The following EPB41L4B variants were observed in gnomAD, a reference collection of about 807,000 sequenced individuals.
EPB41L4B encodes the protein band 4.1-like protein 4B.
In EPB41L4B, 30 loss-of-function variants were observed where a neutral mutation model predicts 112.5. The observed-to-expected ratio is 0.27, with a 90% CI of 0.20 to 0.36. EPB41L4B has a LOEUF of 0.36. Ranked by LOEUF, EPB41L4B falls within the 10% of genes least tolerant of loss-of-function variation. EPB41L4B has a pLI of 1.00. For missense variants in EPB41L4B, 1,024 were observed against 1,133.3 expected (o/e 0.90, Z 1.38); for synonymous variants, 408 against 439.7 (o/e 0.93, Z 0.90).
In EPB41L4B at chr9:109,182,732, A is replaced by G. The variant is rs1832111007; in HGVS notation, c.2484T>C (p.Phe828=). Residue 828 remains phenylalanine, a synonymous_variant, in exon 24 of 26, where the codon TTT becomes TTC. Transcript: ENST00000374566. The stretch of plus-strand genomic sequence containing the variant: ...TCTGTTTTCTGGATCTACTTACAGT[A>G]AACTGTGGCCCTGTGGTGAAAGTAT... The part of the protein sequence containing the change: ...FPDTFTTGPQ[F]TADFRDSKLQ... 1.2e-6 allele frequency: 2 copies of G among 1,609,520 alleles called. No homozygotes were observed. The highest frequency in any genetic ancestry group is 1.7e-6 in the Non-Finnish European group (2 of 1,175,924).
chr9:109,192,679 G>C (rs1832502627), intron 21 of EPB41L4B, among the ~76,000 whole-genome samples: 1 of 152,112 alleles, frequency 6.6e-6, no homozygotes, highest in South Asian at 2.1e-4. Context: ...TAAAGAGAGA[G>C]CAAAGACCTT....
At chr9:109,267,277 T>G (rs1326203123) in intron 4 of EPB41L4B, among the ~76,000 whole-genome samples, 196 bp downstream of exon 4, 1 of 152,232 alleles carries the variant, frequency 6.6e-6, no homozygotes, top group African/African-American at 2.4e-5. Flanking sequence ...TAATTTCTAT[T>G]CACTCAGAAA....
intron 1 of EPB41L4B, among the ~76,000 whole-genome samples, chr9:109,303,396 G>C (rs2119229390): frequency 6.6e-6 from 1 of 152,060 alleles, no homozygotes; most frequent in South Asian, 2.1e-4. Flanking sequence ...CCCAGGCTGG[G>C]GTGCAGTGGC....
At chr9:109,201,656 G>A (rs1229364966) in intron 19 of EPB41L4B, among the ~76,000 whole-genome samples, 2 of 152,236 alleles carry the variant, frequency 1.3e-5, no homozygotes, top group East Asian at 1.9e-4. Context: ...GGAAAGCTAC[G>A]TGGAGGAGTT....
At chr9:109,282,202 C>A (rs991022078) in intron 1 of EPB41L4B, among the ~76,000 whole-genome samples, 1 of 152,126 alleles carries the variant, frequency 6.6e-6, no homozygotes, top group African/African-American at 2.4e-5. Context: ...GAAATCTATA[C>A]AGCCAGAAAT....
chr9:109,202,633 T>G (rs993699679), intron 19 of EPB41L4B, among the ~76,000 whole-genome samples: 1 of 152,230 alleles, frequency 6.6e-6, no homozygotes, highest in African/African-American at 2.4e-5. Flanking sequence ...AAAGAGTTCC[T>G]GTTCTCTGTG....
At chr9:109,232,068 T>C (rs1324732491) in intron 15 of EPB41L4B, among the ~76,000 whole-genome samples, 1 of 152,112 alleles carries the variant, frequency 6.6e-6, no homozygotes, top group African/African-American at 2.4e-5. Flanking sequence ...CTCCGCTCAC[T>C]GCAACCTCTG....
intron 15 of EPB41L4B, among the ~76,000 whole-genome samples, chr9:109,230,661 A>C (rs904237867): frequency 1.3e-5 from 2 of 152,240 alleles, no homozygotes; most frequent in African/African-American, 4.8e-5. Flanking sequence ...ACTATTTGGC[A>C]ACAAGTAGAG....
chr9:109,219,290 C>G (rs1833492254), intron 15 of EPB41L4B, among the ~76,000 whole-genome samples: 1 of 152,212 alleles, frequency 6.6e-6, no homozygotes, highest in Non-Finnish European at 1.5e-5. Context: ...GGAAGGCTCT[C>G]TCTTTCTTTG....
intron 15 of EPB41L4B, among the ~76,000 whole-genome samples, chr9:109,225,489 C>A (rs190773262): frequency 1.3e-5 from 2 of 152,192 alleles, no homozygotes; most frequent in Admixed American, 6.5e-5. Context: ...AGAATGAGAG[C>A]CAAGTGAAAG....
At chr9:109,281,726 T>A (rs10979796) in intron 1 of EPB41L4B, among the ~76,000 whole-genome samples, 16,465 of 82,838 alleles carry the variant, frequency 0.2, 977 homozygotes, top group Middle Eastern at 0.25. Context: ...ATAAATAAAT[T>A]AATTAATTAA....
At chr9:109,199,290 G>A (rs758687558) in intron 20 of EPB41L4B, among the ~76,000 whole-genome samples, 2 of 152,132 alleles carry the variant, frequency 1.3e-5, no homozygotes, top group African/African-American at 2.4e-5. Flanking sequence ...AATGATCCCC[G>A]TCCTAGTATT....
chr9:109,268,673 C>T (rs573035265), intron 2 of EPB41L4B, among the ~76,000 whole-genome samples: 5 of 151,884 alleles, frequency 3.3e-5, no homozygotes, highest in Admixed American at 6.6e-5. Context: ...CCGAGGCGGG[C>T]GGATCACGAG....
Position 109,176,679 on chromosome 9 carries a change from A to G in EPB41L4B, c.2505T>C (p.Ser835=). The part of the protein sequence containing the change: ...GPQFTADFRD[S]KLQCCPGPTS... Reference sequence around the variant, plus strand: ...TCGGGCCAGGACAGCACTGTAATTTACTGTCTCTGAAGTCTGCCTGGAGAA... The same window carrying G: ...TCGGGCCAGGACAGCACTGTAATTTGCTGTCTCTGAAGTCTGCCTGGAGAA... The change falls in exon 25 of 26, where the codon AGT becomes AGC. Residue 835 remains serine, a synonymous_variant. Coordinates refer to ENST00000374566, the MANE Select transcript of EPB41L4B (RefSeq NM_019114.5). 6.2e-7 allele frequency: 1 copy of G among 1,613,124 alleles called. No homozygotes were observed. Among genetic ancestry groups the G allele is most frequent in the Non-Finnish European group, 8.5e-7 (1 of 1,179,796 alleles).
chr9:109,307,232 T>C, intron 1 of EPB41L4B: 1 of 499,692 alleles, frequency 2.0e-6, no homozygotes, highest in South Asian at 1.5e-5. Context: ...TTTTCCTTTT[T>C]TTTTTTCCAG....
chr9:109,218,126 CTTTT>C (rs10654240), intron 15 of EPB41L4B, among the ~76,000 whole-genome samples: 26 of 106,566 alleles, frequency 2.4e-4, no homozygotes, highest in African/African-American at 9.1e-4. Context: ...ACTAATAATT[CTTTT>C]TTTTTTTTTT....
At chr9:109,234,001 T>C (rs1190869019) in intron 15 of EPB41L4B, among the ~76,000 whole-genome samples, 1 of 151,666 alleles carries the variant, frequency 6.6e-6, no homozygotes, top group Admixed American at 6.6e-5. Flanking sequence ...ACAGAAAACA[T>C]ATAACAAACC....
intron 17 of EPB41L4B, among the ~76,000 whole-genome samples, chr9:109,209,166 T>C (rs373437938): frequency 6.6e-6 from 1 of 152,146 alleles, no homozygotes; most frequent in African/African-American, 2.4e-5. Flanking sequence ...CTAAGTGCTA[T>C]GAAAGCTAGA....
chr9:109,211,058 G>C (rs1426611170), intron 17 of EPB41L4B, among the ~76,000 whole-genome samples: 1 of 152,166 alleles, frequency 6.6e-6, no homozygotes, highest in African/African-American at 2.4e-5. Context: ...TTAAATTCTT[G>C]TGTTAATTTT....
Sources: allele counts gnomAD v4.1 joint callset (sites outside exome capture counted in the v4.1 genomes callset), GRCh38; gene constraint gnomAD v4.1.1; transcripts MANE v1.5; gene names NCBI Gene and HGNC (gene_info 2026-07-23, HGNC 2026-07-21).